Variants in NEK5 observed in about 807,000 individuals in gnomAD.
NEK5 encodes serine/threonine-protein kinase Nek5.
A neutral mutation model predicts 109.2 loss-of-function variants in NEK5; 88 were observed. The observed-to-expected ratio is 0.81, with a 90% CI of 0.68 to 0.96. The LOEUF (loss-of-function observed/expected upper bound fraction) is 0.96. Among genes scored for constraint, NEK5 ranks in the 40% least tolerant of loss-of-function variants. The pLI, the probability that NEK5 is intolerant of heterozygous loss-of-function variation, is 0.00. For synonymous variants in NEK5, 283 were observed against 299.9 expected, an observed-to-expected ratio of 0.94 and a Z score of 0.58; for missense variants, 834 against 920.7, an observed-to-expected ratio of 0.91 and a Z score of 1.22.
chr13:52,110,590 CACAAA>C lies in NEK5; in HGVS notation c.313-18_313-14del. Reference sequence around the variant, plus strand: ...ACCAACCGAGGATCTATAGAGAGAACACAAAACAAAGCCACTGAATAGCCTGGTAG... The same window carrying C: ...ACCAACCGAGGATCTATAGAGAGAACACAAAGCCACTGAATAGCCTGGTAG... On this transcript the variant is annotated splice_polypyrimidine_tract_variant and intron_variant, in intron 5 of 23. Coordinates refer to ENST00000684899, the MANE Select transcript of NEK5 (RefSeq NM_001365552.1). 1 of 1,578,150 alleles carries C rather than the reference CACAAA, an allele frequency of 6.3e-7. No individual in the cohort carries two copies. Among genetic ancestry groups the C allele is most frequent in the Non-Finnish European group, 8.7e-7 (1 of 1,150,600 alleles).
In NEK5 at chr13:52,036,174, A is replaced by G. The variant is rs191135889; in HGVS notation, c.*774T>C. The G allele has an allele frequency of 6.6e-6, 1 of 152,290 alleles. No homozygotes were observed. Among genetic ancestry groups the G allele is most frequent in the East Asian group, 1.9e-4 (1 of 5,178 alleles). The allele number at this position is 152,290 out of a possible 1,614,324, so 9.4% of individuals were successfully genotyped here. ...TTCTTAGTTTGTGGCCTTGTCCAAC[A>G]TCTTCAAAGCCAGCAACATCAGGCT... On this transcript the variant is annotated 3_prime_UTR_variant, in exon 24 of 24. Transcript: ENST00000684899.
intron 4 of NEK5, among the ~76,000 whole-genome samples, chr13:52,118,597 T>C (rs970148259): frequency 6.6e-6 from 1 of 152,146 alleles, no homozygotes; most frequent in African/African-American, 2.4e-5. Context: ...CAGAATTGTA[T>C]TCAGATGTAT....
intron 18 of NEK5, 85 bp downstream of exon 18, chr13:52,075,978 G>GA: frequency 1.0e-6 from 1 of 968,848 alleles, no homozygotes; most frequent in Non-Finnish European, 1.6e-6. Flanking sequence ...ATACTAGGGG[G>GA]AAAATCATGC....
chr13:52,038,878 C>T (rs565939552), intron 23 of NEK5, among the ~76,000 whole-genome samples: 2 of 146,638 alleles, frequency 1.4e-5, no homozygotes, highest in African/African-American at 5.0e-5. Flanking sequence ...CCTCTTTCAG[C>T]GAGCCTAACT....
chr13:52,061,198 T>C (rs118011133), intron 22 of NEK5, among the ~76,000 whole-genome samples: 6,594 of 152,278 alleles, frequency 0.043, 187 homozygotes, highest in Non-Finnish European at 0.069. Context: ...GCACACAGCG[T>C]AGATCTCTCA....
At chr13:52,102,355 A>C in intron 9 of NEK5, 63 bp from the exon 10 acceptor site, 1 of 1,242,408 alleles carries the variant, frequency 8.0e-7, no homozygotes, top group Non-Finnish European at 1.2e-6. Flanking sequence ...CAAATAATAA[A>C]AGTGTTAAAG....
intron 17 of NEK5, among the ~76,000 whole-genome samples, chr13:52,081,127 T>C (rs1955004837): frequency 6.6e-6 from 1 of 152,184 alleles, no homozygotes. Flanking sequence ...GCAGTCGCCA[T>C]TGATTGTCGT....
chr13:52,084,752 AGAGAGAGAGAGTGT>A (rs1285831641), intron 16 of NEK5, among the ~76,000 whole-genome samples: 30 of 51,908 alleles, frequency 5.8e-4, no homozygotes, highest in Non-Finnish European at 1.3e-3. Context: ...AGAGAGAGAG[AGAGAGAGAGAGTGT>A]GTGTGTGTGT....
intron 21 of NEK5, among the ~76,000 whole-genome samples, chr13:52,064,535 C>T (rs1367139685): frequency 3.1e-4 from 47 of 150,656 alleles, no homozygotes; most frequent in Admixed American, 1.8e-3. Context: ...CCGCCCCGTC[C>T]GGGAGGTGAG....
chr13:52,113,818 G>A (rs1394389729), intron 4 of NEK5, among the ~76,000 whole-genome samples: 1 of 152,110 alleles, frequency 6.6e-6, no homozygotes, highest in Non-Finnish European at 1.5e-5. Flanking sequence ...GGTCATGAGG[G>A]TGGAGCCCAC....
chr13:52,080,265 T>TGGGGGG (rs1277484357), intron 17 of NEK5, among the ~76,000 whole-genome samples: 14 of 104,170 alleles, frequency 1.3e-4, no homozygotes, highest in African/African-American at 4.7e-4. Context: ...GGGAGGGAGG[T>TGGGGGG]GGGGGGGGGT....
At chr13:52,075,136 A>C (rs917134966) in intron 19 of NEK5, among the ~76,000 whole-genome samples, 3 of 152,230 alleles carry the variant, frequency 2.0e-5, no homozygotes, top group African/African-American at 7.2e-5. Context: ...TATCCAAAAG[A>C]AAACAAACCA....
chr13:52,078,499 T>C (rs1038649599), intron 17 of NEK5, among the ~76,000 whole-genome samples: 1 of 152,162 alleles, frequency 6.6e-6, no homozygotes, highest in African/African-American at 2.4e-5. Flanking sequence ...TTGATTGTGG[T>C]GATGGGTTTC....
Position 52,066,910 on chromosome 13 carries a change from A to G in NEK5, c.1850-1301T>C, listed in dbSNP as rs909347007. Among the ~76,000 whole-genome samples, 3 of 152,252 alleles carry G rather than the reference A, an allele frequency of 2.0e-5. 1 individual carries two copies. Among genetic ancestry groups the G allele is most frequent in the Admixed American group, 2.0e-4 (3 of 15,290 alleles). On this transcript the variant is annotated intron_variant, in intron 20 of 23. Transcript: ENST00000684899. ...TTTATTTTGTTGTATCATATTATAT[A>G]GGGTCTGATTTCACAATCTTCCCCA...
At chr13:52,045,862 G>A (rs1280591542) in intron 23 of NEK5, among the ~76,000 whole-genome samples, 1 of 151,150 alleles carries the variant, frequency 6.6e-6, no homozygotes, top group Non-Finnish European at 1.5e-5. Context: ...CACGAGGTCA[G>A]GGGTTTGAGA....
chr13:52,061,839 A>C lies in NEK5; in HGVS notation c.2090T>G (p.Phe697Cys). 2.0e-6 allele frequency: 2 copies of C among 985,774 alleles called. No individual in the cohort carries two copies. Among genetic ancestry groups the C allele is most frequent in the Non-Finnish European group, 2.4e-6 (2 of 829,862 alleles). The allele number at this position is 985,774 out of a possible 1,614,324, so 61.1% of individuals were successfully genotyped here. ...CATACCAAATTCTTCATCGGCAGAA[A>C]ATGAGCTACTCGTTAGATGTGCTGC... ...LAAAHLTSSS[F>C]SADEEFAMGT... Residue 697 changes from phenylalanine to cysteine, a missense_variant, in exon 22 of 24, where the codon TTT (phenylalanine) becomes TGT (cysteine). By Grantham distance (205) the Phe-to-Cys change is radical (BLOSUM62 -2). This residue lies in a region of NEK5 where 777 missense variants were observed against 824.7 expected (regional missense o/e 0.94). Transcript: ENST00000684899.
At chr13:52,071,174 T>G (rs1954777459) in intron 20 of NEK5, among the ~76,000 whole-genome samples, 1 of 151,932 alleles carries the variant, frequency 6.6e-6, no homozygotes, top group African/African-American at 2.4e-5. Context: ...GTGACAGCAC[T>G]GACTGTGAAG....
At chr13:52,105,183 CATT>C (rs377468535) in intron 8 of NEK5, among the ~76,000 whole-genome samples, 3 of 151,556 alleles carry the variant, frequency 2.0e-5, no homozygotes, top group African/African-American at 7.3e-5. Flanking sequence ...AAGAAGGAAT[CATT>C]AAAGTGAGGA....
intron 23 of NEK5, among the ~76,000 whole-genome samples, chr13:52,040,274 G>A (rs1030225911): frequency 5.9e-5 from 9 of 151,962 alleles, no homozygotes; most frequent in African/African-American, 1.9e-4. Context: ...TAGTAGAGAC[G>A]GGGTTTCACC....
Sources: allele counts gnomAD v4.1 joint callset (sites outside exome capture counted in the v4.1 genomes callset), GRCh38; gene constraint gnomAD v4.1.1; regional missense constraint gnomAD v4.1.1; transcripts MANE v1.5; gene names NCBI Gene and HGNC (gene_info 2026-07-23, HGNC 2026-07-21).